IQCM: variants seen among roughly 807,000 people sequenced by gnomAD.
IQCM encodes IQ motif containing M, also known as IQ domain-containing protein M.
In IQCM, 45 loss-of-function variants were observed where a neutral mutation model predicts 57.6. That is an observed-to-expected ratio of 0.78 (90% CI 0.62 to 1.00). The LOEUF (loss-of-function observed/expected upper bound fraction) is 1.00. IQCM is among the 50% of genes least tolerant of loss of function. The pLI is 0.00. For missense variants in IQCM, 468 were observed against 511.6 expected, an observed-to-expected ratio of 0.91 and a Z score of 0.82; for synonymous variants, 148 against 158.9, an observed-to-expected ratio of 0.93 and a Z score of 0.51.
chr4:149,726,939 A>C (rs1016436677), intron 5 of IQCM, among the ~76,000 whole-genome samples: 1 of 152,076 alleles, frequency 6.6e-6, no homozygotes, highest in African/African-American at 2.4e-5. Flanking sequence ...ATTTTTCAGT[A>C]GAGATGGCAT....
At chr4:149,425,998 C>T (rs186360004) in intron 13 of IQCM, among the ~76,000 whole-genome samples, 11 of 152,062 alleles carry the variant, frequency 7.2e-5, no homozygotes, top group Middle Eastern at 3.4e-3. Flanking sequence ...ATTATATCAA[C>T]GAACATGCAA....
intron 7 of IQCM, among the ~76,000 whole-genome samples, chr4:149,635,179 A>AC (rs1233432899): frequency 6.6e-6 from 1 of 152,220 alleles, no homozygotes; most frequent in Non-Finnish European, 1.5e-5. Flanking sequence ...GACTTTAAAA[A>AC]AGAAAGAATG....
chr4:149,608,936 A>G (rs377584845), intron 8 of IQCM, among the ~76,000 whole-genome samples: 153 of 151,896 alleles, frequency 1.0e-3, no homozygotes, highest in Non-Finnish European at 1.8e-3. Flanking sequence ...AAACAACACC[A>G]TGAAGGATCA....
intron 13 of IQCM, among the ~76,000 whole-genome samples, chr4:149,419,703 C>T (rs4519778): frequency 3.3e-5 from 5 of 151,920 alleles, no homozygotes; most frequent in Non-Finnish European, 7.4e-5. Context: ...GGTGAACAGG[C>T]AACCTACAAA....
intron 13 of IQCM, among the ~76,000 whole-genome samples, chr4:149,418,023 A>G (rs893924341): frequency 6.6e-6 from 1 of 151,868 alleles, no homozygotes; most frequent in East Asian, 1.9e-4. Flanking sequence ...GGAAGATCTC[A>G]AATTGACACC....
intron 9 of IQCM, among the ~76,000 whole-genome samples, chr4:149,572,664 G>A (rs576500656): frequency 5.9e-5 from 9 of 151,962 alleles, no homozygotes; most frequent in South Asian, 2.1e-4. Flanking sequence ...CAACCAGAGC[G>A]CCTTGAAGGT....
chr4:149,789,677 G>T (rs938588067), intron 2 of IQCM, among the ~76,000 whole-genome samples: 1 of 152,184 alleles, frequency 6.6e-6, no homozygotes, highest in Non-Finnish European at 1.5e-5. Flanking sequence ...AGGCTAAGGA[G>T]TTGGGAGGAT....
chr4:149,358,866 A>G (rs180899483), intron 13 of IQCM, among the ~76,000 whole-genome samples: 5 of 152,222 alleles, frequency 3.3e-5, no homozygotes, highest in African/African-American at 1.2e-4. Flanking sequence ...ATATACTCTC[A>G]TGAGTATATC....
chr4:149,665,019 G>T (rs1358863791), intron 7 of IQCM, among the ~76,000 whole-genome samples: 2 of 152,126 alleles, frequency 1.3e-5, no homozygotes, highest in Non-Finnish European at 2.9e-5. Context: ...CAACTGTTTT[G>T]TTGGACCTAG....
intron 7 of IQCM, among the ~76,000 whole-genome samples, chr4:149,651,664 T>A (rs1298953738): frequency 6.6e-6 from 1 of 152,006 alleles, no homozygotes; most frequent in East Asian, 1.9e-4. Flanking sequence ...ATATGACTGA[T>A]GAATGACAAA....
At chr4:149,407,642 A>G (rs1168720084) in intron 13 of IQCM, among the ~76,000 whole-genome samples, 2 of 152,136 alleles carry the variant, frequency 1.3e-5, no homozygotes, top group Non-Finnish European at 2.9e-5. Flanking sequence ...TGCAAAAGAC[A>G]TGATGATTTC....
chr4:149,693,315 C>A (rs1430117460), intron 5 of IQCM, among the ~76,000 whole-genome samples: 1 of 152,142 alleles, frequency 6.6e-6, no homozygotes, highest in Admixed American at 6.6e-5. Flanking sequence ...TTTAGCACTT[C>A]AATGTGCACA....
chr4:149,370,183 A>C (rs13135997), intron 13 of IQCM, among the ~76,000 whole-genome samples: 45,752 of 152,102 alleles, frequency 0.3, 7,065 homozygotes, highest in Middle Eastern at 0.34. Flanking sequence ...CTTGAGCCAC[A>C]ACATCCCACC....
rs190281661 is a variant in IQCM, at chr4:149,729,178, G to A, written c.385+4066C>T. Among the ~76,000 whole-genome samples the A allele has an allele frequency of 2.5e-3, 385 of 152,262 alleles. 1 individual carries two copies. The highest frequency in any genetic ancestry group is 7.3e-3 in the African/African-American group (304 of 41,534). On this transcript the variant is annotated intron_variant, in intron 5 of 13. Transcript: ENST00000636793. Reference sequence around the variant, plus strand: ...ATAGACAATGATTTTGTCCTGGGACGCGCTCTCTTCATTTTTTCAGTGGCC... The same window carrying A: ...ATAGACAATGATTTTGTCCTGGGACACGCTCTCTTCATTTTTTCAGTGGCC...
chr4:149,760,938 A>T (rs1769445522), intron 2 of IQCM, among the ~76,000 whole-genome samples: 1 of 152,140 alleles, frequency 6.6e-6, no homozygotes, highest in Non-Finnish European at 1.5e-5. Flanking sequence ...TTAACAAAGG[A>T]AATGTATCAA....
intron 7 of IQCM, among the ~76,000 whole-genome samples, chr4:149,644,578 C>T (rs996273221): frequency 6.6e-6 from 1 of 152,078 alleles, no homozygotes; most frequent in African/African-American, 2.4e-5. Context: ...ATCTATTGAA[C>T]TGTTGGTGAC....
chr4:149,465,741 GT>G (rs771635840), intron 12 of IQCM, among the ~76,000 whole-genome samples: 27 of 148,168 alleles, frequency 1.8e-4, no homozygotes, highest in African/African-American at 4.4e-4. Context: ...AAAAAAAAAA[GT>G]TTTTTTTTTG....
intron 9 of IQCM, among the ~76,000 whole-genome samples, chr4:149,580,089 A>G (rs1320800326): frequency 6.6e-6 from 1 of 151,820 alleles, no homozygotes; most frequent in Non-Finnish European, 1.5e-5. Flanking sequence ...ACTATGCTCA[A>G]AAAGAATAAC....
intron 7 of IQCM, among the ~76,000 whole-genome samples, chr4:149,658,411 T>C (rs1759829790): frequency 1.3e-5 from 2 of 152,154 alleles, no homozygotes; most frequent in South Asian, 4.1e-4. Context: ...TAAAGCTTTG[T>C]AATATATTTT....
Sources: gnomAD v4.1 joint callset for allele counts (sites outside exome capture counted in the v4.1 genomes callset) on GRCh38, gnomAD v4.1.1 for gene constraint, MANE v1.5 for transcripts, NCBI Gene and HGNC (gene_info 2026-07-23, HGNC 2026-07-21) for gene names.